ARHGAP6: variants seen among roughly 807,000 people sequenced by gnomAD.
The protein encoded by ARHGAP6 is rho GTPase-activating protein 6.
ARHGAP6 carries 16 observed loss-of-function variants against 55.7 expected under a neutral mutation model. That is an observed-to-expected ratio of 0.29 (90% CI 0.19 to 0.44). The LOEUF (loss-of-function observed/expected upper bound fraction) is 0.44, where lower values mean the gene tolerates loss of function less well. Among genes scored for constraint, ARHGAP6 ranks in the 20% least tolerant of loss-of-function variants. ARHGAP6 has a pLI of 1.00. For synonymous variants in ARHGAP6, 382 were observed against 360.9 expected (o/e 1.06, Z -0.66); for missense variants, 698 against 808.9 (o/e 0.86, Z 1.66).
intron 2 of ARHGAP6, among the ~76,000 whole-genome samples, chrX:11,240,090 T>C (rs1313329334): frequency 8.9e-6 from 1 of 112,122 alleles, no homozygotes; most frequent in African/African-American, 3.2e-5. Context: ...GAGCCATTCA[T>C]TGTGCCTGTA....
At chrX:11,543,841 A>G (rs2051185754) in intron 1 of ARHGAP6, among the ~76,000 whole-genome samples, 1 of 112,463 alleles carries the variant, frequency 8.9e-6, no homozygotes, top group Admixed American at 9.4e-5. Flanking sequence ...AGGGACAGAA[A>G]GAGTTTTACA....
At chrX:11,380,658 C>T (rs1449719509) in intron 1 of ARHGAP6, among the ~76,000 whole-genome samples, 3 of 111,739 alleles carry the variant, frequency 2.7e-5, no homozygotes, top group Non-Finnish European at 5.6e-5. Context: ...CAAGCTCCCA[C>T]GTGTTGCAGA....
intron 1 of ARHGAP6, among the ~76,000 whole-genome samples, chrX:11,580,603 A>C (rs1367055345): frequency 8.9e-6 from 1 of 112,754 alleles, no homozygotes; most frequent in Non-Finnish European, 1.9e-5. Context: ...AACTGAAAGT[A>C]AATCTAGTCA....
rs1486816417 is a variant in ARHGAP6 at position 11,255,096 on chromosome X, A to T, written c.589-389T>A. 3.6e-5 allele frequency among the ~76,000 whole-genome samples: 4 copies of T among 111,818 alleles called. No individual in the cohort carries two copies. The East Asian group carries it at 1.1e-3, about 31-fold the overall frequency. ...GATATAGGGGGATGAGTGTGTATGG[A>T]GAGCCTACCATGTGCCAGCGGCTGC... is the stretch of plus-strand genomic sequence containing the variant. On this transcript the variant is annotated intron_variant, in intron 1 of 12. Transcript: ENST00000337414.
chrX:11,373,964 T>G (rs2147712941), intron 1 of ARHGAP6, among the ~76,000 whole-genome samples: 1 of 111,983 alleles, frequency 8.9e-6, no homozygotes, highest in South Asian at 3.7e-4. Context: ...TGTCTTATTA[T>G]TGAGACCAAG....
chrX:11,639,692 A>G (rs997246670), intron 1 of ARHGAP6, among the ~76,000 whole-genome samples: 1 of 110,875 alleles, frequency 9.0e-6, no homozygotes, highest in African/African-American at 3.3e-5. Context: ...TATCTGTGAG[A>G]GAAAAAGAAA....
intron 1 of ARHGAP6, among the ~76,000 whole-genome samples, chrX:11,477,562 T>C (rs755873192): frequency 8.9e-6 from 1 of 112,248 alleles, no homozygotes; most frequent in Admixed American, 9.4e-5. Context: ...CAAATGCTTA[T>C]TGCAGCTGTT....
chrX:11,436,970 C>A (rs1309325273), intron 1 of ARHGAP6, among the ~76,000 whole-genome samples: 6 of 110,218 alleles, frequency 5.4e-5, no homozygotes, highest in Non-Finnish European at 1.1e-4. Flanking sequence ...TAGTGGTTAC[C>A]CAACTTTGAA....
intron 1 of ARHGAP6, chrX:11,293,321 G>A (rs1044447512): frequency 8.9e-6 from 1 of 111,758 alleles, no homozygotes; most frequent in Non-Finnish European, 1.9e-5. Flanking sequence ...GGGATTTTTA[G>A]TTATACTCAA....
At chrX:11,475,312 G>C (rs931944688) in intron 1 of ARHGAP6, among the ~76,000 whole-genome samples, 1 of 110,545 alleles carries the variant, frequency 9.0e-6, no homozygotes, top group African/African-American at 3.3e-5. Flanking sequence ...TAAATGTCTT[G>C]ATATGAACCT....
chrX:11,503,970 A>G (rs1248055114), intron 1 of ARHGAP6, among the ~76,000 whole-genome samples: 3 of 111,743 alleles, frequency 2.7e-5, no homozygotes, highest in Non-Finnish European at 3.8e-5. Flanking sequence ...CCCACATATA[A>G]TGCCCTACAA....
chrX:11,440,919 G>C (rs182233302), intron 1 of ARHGAP6, among the ~76,000 whole-genome samples: 12 of 111,766 alleles, frequency 1.1e-4, no homozygotes, highest in Admixed American at 4.8e-4. Flanking sequence ...ATCATTCATC[G>C]GGCCCAGATT....
At chrX:11,648,408 T>C (rs2052551773) in intron 1 of ARHGAP6, among the ~76,000 whole-genome samples, 1 of 112,173 alleles carries the variant, frequency 8.9e-6, no homozygotes, top group African/African-American at 3.2e-5. Flanking sequence ...AACTACATTG[T>C]ATCATAATTC....
At chrX:11,580,275 C>T (rs1358105445) in intron 1 of ARHGAP6, among the ~76,000 whole-genome samples, 2 of 112,334 alleles carry the variant, frequency 1.8e-5, no homozygotes, top group Non-Finnish European at 3.8e-5. Flanking sequence ...CTCTTTCACA[C>T]TGTGAGGGGA....
chrX:11,174,568 TCCTTCCTTTCTTTCTTTC>T (rs1288626755), intron 8 of ARHGAP6, among the ~76,000 whole-genome samples: 1 of 73,355 alleles, frequency 1.4e-5, no homozygotes, highest in African/African-American at 5.9e-5. Context: ...CTTCCTTCCT[TCCTTCCTTTCTTTCTTTC>T]TTTCTTTTTC....
At chrX:11,645,909 T>A (rs1199137010) in intron 1 of ARHGAP6, among the ~76,000 whole-genome samples, 2 of 112,240 alleles carry the variant, frequency 1.8e-5, no homozygotes, top group African/African-American at 6.5e-5. Flanking sequence ...ATGTTATTAA[T>A]GCTTAAGGAA....
At chrX:11,402,002 A>C (rs1001495066) in intron 1 of ARHGAP6, among the ~76,000 whole-genome samples, 2 of 111,832 alleles carry the variant, frequency 1.8e-5, no homozygotes, top group African/African-American at 6.5e-5. Flanking sequence ...ACTGTCCAAT[A>C]ACTTTATGTA....
At chrX:11,418,078 C>T (rs1009431134) in intron 1 of ARHGAP6, among the ~76,000 whole-genome samples, 2 of 112,008 alleles carry the variant, frequency 1.8e-5, no homozygotes, top group Non-Finnish European at 3.8e-5. Flanking sequence ...CAGGCACATG[C>T]TATAAATGGC....
chrX:11,260,135 G>A (rs755564360), intron 1 of ARHGAP6, among the ~76,000 whole-genome samples: 1 of 110,934 alleles, frequency 9.0e-6, no homozygotes, highest in African/African-American at 3.3e-5. Flanking sequence ...ATGGAAAAAG[G>A]AGCCACAAGA....
Sources: allele counts gnomAD v4.1 joint callset (sites outside exome capture counted in the v4.1 genomes callset), GRCh38; gene constraint gnomAD v4.1.1; transcripts MANE v1.5; gene names NCBI Gene and HGNC (gene_info 2026-07-23, HGNC 2026-07-21).